XDH: variants seen among roughly 807,000 people sequenced by gnomAD.
XDH encodes the protein xanthine dehydrogenase.
In XDH, 138 loss-of-function variants were observed where a neutral mutation model predicts 156.1. That is an observed-to-expected ratio of 0.88 (90% CI 0.77 to 1.02). The LOEUF (loss-of-function observed/expected upper bound fraction) is 1.02, where lower values mean the gene tolerates loss of function less well. Among genes scored for constraint, XDH ranks in the 50% least tolerant of loss-of-function variants. The pLI is 0.00. For missense variants in XDH, 1,849 were observed against 1,684.9 expected, an observed-to-expected ratio of 1.10 and a Z score of -1.71; for synonymous variants, 669 against 625.7, an observed-to-expected ratio of 1.07 and a Z score of -1.03.
At chr2:31,346,529 C>G (rs1685298421) in intron 30 of XDH, among the ~76,000 whole-genome samples, 1 of 152,136 alleles carries the variant, frequency 6.6e-6, no homozygotes, top group Non-Finnish European at 1.5e-5. Flanking sequence ...ACAAGGCTGT[C>G]AAGATCCTGG....
At position 31,386,468 on chromosome 2, in the gene XDH, C is replaced by T; in HGVS notation, c.739G>A (p.Asp247Asn). Residue 247 changes from aspartate (D) to asparagine (N), a missense_variant, in exon 9 of 36, where the codon GAC becomes AAC. By Grantham distance (23) the Asp-to-Asn change is conservative. Transcript: ENST00000379416. ...IQASTLKELLDLKAQHPDAKL... is the reference protein window; with the variant it reads ...IQASTLKELLNLKAQHPDAKL... ...GCGTCAGGGTGCTGAGCCTTGAGGT[C>T]CAGCAGCTCCTTGAGGGTTGAGGCC... The T allele has an allele frequency of 6.2e-7, 1 of 1,614,052 alleles. No individual in the cohort carries two copies. Among genetic ancestry groups the T allele is most frequent in the Non-Finnish European group, 8.5e-7 (1 of 1,180,032 alleles).
intron 31 of XDH, among the ~76,000 whole-genome samples, chr2:31,343,312 A>ATATATATATATATATATATATT: frequency 7.3e-6 from 1 of 136,590 alleles, no homozygotes. Context: ...ATATATATAT[A>ATATATATATATATATATATATT]TATATATATA....
At chr2:31,346,230 C>T (rs111829751) in intron 30 of XDH, among the ~76,000 whole-genome samples, 16 of 152,276 alleles carry the variant, frequency 1.1e-4, no homozygotes, top group African/African-American at 3.6e-4. Context: ...GACATTCAGG[C>T]CACTGGTCTA....
chr2:31,341,648 A>T (rs1685128042), intron 32 of XDH, among the ~76,000 whole-genome samples: 1 of 152,140 alleles, frequency 6.6e-6, no homozygotes, highest in African/African-American at 2.4e-5. Flanking sequence ...GTAACTGGGA[A>T]TAACACACAT....
At chr2:31,383,212 G>A in intron 10 of XDH, 60 bp from the exon 11 acceptor site, 1 of 1,612,166 alleles carries the variant, frequency 6.2e-7, no homozygotes, top group Non-Finnish European at 8.5e-7. Flanking sequence ...AGGCTTTCAT[G>A]CACAGCTCCT....
intron 9 of XDH, chr2:31,384,286 AAGCTG>A (rs1445325164): frequency 5.4e-6 from 1 of 186,706 alleles, no homozygotes; most frequent in Non-Finnish European, 1.1e-5. Context: ...ATAGATGAAG[AAGCTG>A]AGGCACAGAA....
At position 31,365,501 on chromosome 2, in the gene XDH, T is replaced by C. The variant is rs758375925; in HGVS notation, c.2500A>G (p.Met834Val). ...GGATGTCTGCCACCAGTTATCAGCA[T>C]GTCCTCATCACGGTCCAGCATGCAT... is the stretch of plus-strand genomic sequence containing the variant. ...VRCMLDRDED[M>V]LITGGRHPFL... Residue 834 changes from methionine (M) to valine (V), a missense_variant, in exon 23 of 36, where the codon ATG becomes GTG. Physicochemically the swap from Met to Val is conservative, Grantham distance 21 (BLOSUM62 1). Transcript: ENST00000379416. The C allele has an allele frequency of 5.0e-6, 8 of 1,614,044 alleles. No homozygotes were observed. The highest frequency in any genetic ancestry group is 2.2e-5 in the East Asian group (1 of 44,886).
intron 31 of XDH, among the ~76,000 whole-genome samples, chr2:31,343,960 T>C (rs1214273962): frequency 6.6e-6 from 1 of 152,106 alleles, no homozygotes. Context: ...TGAATTATTT[T>C]CCAAATATAT....
At chr2:31,353,782 T>C (rs1182654660) in intron 24 of XDH, among the ~76,000 whole-genome samples, 1 of 152,186 alleles carries the variant, frequency 6.6e-6, no homozygotes, top group African/African-American at 2.4e-5. Flanking sequence ...GTCTCATTCC[T>C]ACTCACACCT....
chr2:31,344,626 C>G (rs756722485), intron 31 of XDH, 58 bp downstream of exon 31: 41 of 1,595,362 alleles, frequency 2.6e-5, no homozygotes, highest in Non-Finnish European at 3.4e-5. Context: ...CTGGAGTGGA[C>G]CAGTGAGGTT....
chr2:31,378,778 G>T (rs899234539), intron 13 of XDH, among the ~76,000 whole-genome samples: 1 of 151,758 alleles, frequency 6.6e-6, no homozygotes, highest in Non-Finnish European at 1.5e-5. Flanking sequence ...GATGTGTTTT[G>T]TTAATGACCA....
Position 31,370,431 on chromosome 2 carries a change from A to G in XDH, c.1904T>C (p.Phe635Ser), listed in dbSNP as rs1010984688. The G allele has an allele frequency of 6.2e-7, 1 of 1,614,232 alleles. No homozygotes were observed. Among genetic ancestry groups the G allele is most frequent in the Non-Finnish European group, 8.5e-7 (1 of 1,180,038 alleles). Residue 635 changes from phenylalanine (F) to serine (S), a missense_variant, in exon 18 of 36, where the codon TTC becomes TCC. Physicochemically the swap from Phe to Ser is radical, Grantham distance 155. Coordinates refer to ENST00000379416, the MANE Select transcript of XDH (RefSeq NM_000379.4). ...EAKKVPGFVC[F>S]ISADDVPGSN... ...CCCAGGAACATCATCAGCGGAAATG[A>G]AACAAACAAACCCTGGAACCTTCTT...
Position 31,349,643 on chromosome 2 carries a change from T to C in XDH, c.2969+43A>G, listed in dbSNP as rs762289076. On this transcript the variant is annotated intron_variant, in intron 26 of 35. Coordinates refer to ENST00000379416, the MANE Select transcript of XDH (RefSeq NM_000379.4). ...GGGTCAGCAGAAAGGCTGTAGGATATGAAACCCAGAAGAGCAACTGGACTT... is the reference window on the plus strand; with the variant it reads ...GGGTCAGCAGAAAGGCTGTAGGATACGAAACCCAGAAGAGCAACTGGACTT... The C allele has an allele frequency of 5.6e-6, 9 of 1,613,350 alleles. No homozygotes were observed. The Admixed American group carries it at 6.7e-5, about 12-fold the overall frequency.
At chr2:31,362,094 T>C (rs1480302947) in intron 24 of XDH, among the ~76,000 whole-genome samples, 2 of 152,104 alleles carry the variant, frequency 1.3e-5, no homozygotes, top group African/African-American at 2.4e-5. Flanking sequence ...CAATTACAAA[T>C]GAGCACAGGA....
At chr2:31,339,443 C>G (rs1307119060) in intron 34 of XDH, 46 bp downstream of exon 34, 55 of 1,612,530 alleles carry the variant, frequency 3.4e-5, no homozygotes, top group Non-Finnish European at 4.6e-5. Flanking sequence ...TGGGGCCTCC[C>G]CCAGGGCAGA....
chr2:31,352,350 T>G (rs1238191558), intron 24 of XDH, among the ~76,000 whole-genome samples: 1 of 152,168 alleles, frequency 6.6e-6, no homozygotes, highest in Non-Finnish European at 1.5e-5. Flanking sequence ...CTTTCTTTTT[T>G]TGTTGTTTGT....
chr2:31,339,006 T>C (rs988746678), intron 34 of XDH, among the ~76,000 whole-genome samples: 1 of 152,096 alleles, frequency 6.6e-6, no homozygotes, highest in Non-Finnish European at 1.5e-5. Context: ...ATTACAGGCA[T>C]GAGCCACCGC....
chr2:31,363,321 T>A (rs1685826099), intron 24 of XDH, among the ~76,000 whole-genome samples: 1 of 152,100 alleles, frequency 6.6e-6, no homozygotes, highest in Non-Finnish European at 1.5e-5. Context: ...AAAGAAAGAA[T>A]AATAATAAAA....
intron 34 of XDH, among the ~76,000 whole-genome samples, chr2:31,338,885 A>C (rs899302540): frequency 1.6e-4 from 25 of 151,622 alleles, no homozygotes; most frequent in African/African-American, 5.6e-4. Flanking sequence ...CACCATGCCC[A>C]GCTAATTTTT....
Sources: gnomAD v4.1 joint callset for allele counts (sites outside exome capture counted in the v4.1 genomes callset) on GRCh38, gnomAD v4.1.1 for gene constraint, MANE v1.5 for transcripts, NCBI Gene and HGNC (gene_info 2026-07-23, HGNC 2026-07-21) for gene names.